Variants in YIPF1 observed in about 807,000 individuals in gnomAD.
YIPF1 encodes the protein protein YIPF1.
YIPF1 carries 22 observed loss-of-function variants against 37.0 expected under a neutral mutation model. That is an observed-to-expected ratio of 0.59 (90% CI 0.42 to 0.85). The LOEUF is 0.85. YIPF1 is among the 40% of genes least tolerant of loss of function. The pLI is 0.00. For missense variants in YIPF1, 355 were observed against 373.1 expected (o/e 0.95, Z 0.40); for synonymous variants, 128 against 131.9 (o/e 0.97, Z 0.21).
At chr1:53,876,922 G>T (rs147451778) in intron 6 of YIPF1, among the ~76,000 whole-genome samples, 1,719 of 152,258 alleles carry the variant, frequency 0.011, 36 homozygotes, top group African/African-American at 0.039. Flanking sequence ...GTAAGATAAG[G>T]CTACCTTGGA....
At chr1:53,874,771 A>T (rs10788963) in intron 6 of YIPF1, among the ~76,000 whole-genome samples, 63,488 of 151,814 alleles carry the variant, frequency 0.42, 13,842 homozygotes, top group East Asian at 0.57. Flanking sequence ...TGTCTCAAAA[A>T]ATATATATAT....
chr1:53,887,733 C>A (rs1304787792), intron 3 of YIPF1, among the ~76,000 whole-genome samples: 1 of 152,126 alleles, frequency 6.6e-6, no homozygotes, highest in Non-Finnish European at 1.5e-5. Context: ...GCTGTGATAC[C>A]AGACTGGATG....
chr1:53,865,005 T>C (rs991856285), intron 9 of YIPF1, among the ~76,000 whole-genome samples: 5 of 152,164 alleles, frequency 3.3e-5, no homozygotes, highest in African/African-American at 1.2e-4. Flanking sequence ...AGAGCCGGTC[T>C]TCAATCTGGG....
intron 2 of YIPF1, 121 bp downstream of exon 2, chr1:53,889,123 C>T (rs1231434013): frequency 1.0e-5 from 5 of 479,424 alleles, no homozygotes; most frequent in Non-Finnish European, 1.9e-5. Flanking sequence ...TAAAGATAAC[C>T]ACTAAGCATC....
intron 6 of YIPF1, among the ~76,000 whole-genome samples, chr1:53,872,407 G>A (rs1179849299): frequency 6.6e-6 from 1 of 152,122 alleles, no homozygotes; most frequent in Non-Finnish European, 1.5e-5. Context: ...GTCTATCACA[G>A]CTACTCATAA....
chr1:53,854,678 T>C (rs1649677501), intron 10 of YIPF1, among the ~76,000 whole-genome samples: 1 of 151,998 alleles, frequency 6.6e-6, no homozygotes, highest in Non-Finnish European at 1.5e-5. Flanking sequence ...AAAACTGGAG[T>C]ATAGAATCTG....
chr1:53,871,012 CAAAAAAA>C (rs57949076), intron 7 of YIPF1, among the ~76,000 whole-genome samples: 7 of 65,250 alleles, frequency 1.1e-4, no homozygotes, highest in African/African-American at 2.3e-4. Flanking sequence ...GTCACTGTCT[CAAAAAAA>C]AAAAAAAAAA....
intron 10 of YIPF1, among the ~76,000 whole-genome samples, chr1:53,857,254 A>C (rs967400058): frequency 3.3e-5 from 5 of 152,238 alleles, no homozygotes; most frequent in African/African-American, 4.8e-5. Flanking sequence ...TCTGAAGTAG[A>C]GGAGCAAGCT....
At chr1:53,854,167 A>G (rs556382040) in intron 10 of YIPF1, among the ~76,000 whole-genome samples, 2 of 152,156 alleles carry the variant, frequency 1.3e-5, no homozygotes, top group East Asian at 3.9e-4. Flanking sequence ...TATGAGAATC[A>G]CTTGAACCCG....
chr1:53,884,914 A>G (rs1003111151), intron 3 of YIPF1, among the ~76,000 whole-genome samples: 7 of 152,226 alleles, frequency 4.6e-5, no homozygotes, highest in African/African-American at 1.4e-4. Context: ...GTTCACTCTT[A>G]TTGCCTCTCA....
At chr1:53,879,549 G>A (rs889947122) in intron 4 of YIPF1, among the ~76,000 whole-genome samples, 1 of 152,116 alleles carries the variant, frequency 6.6e-6, no homozygotes, top group Non-Finnish European at 1.5e-5. Flanking sequence ...CACCTGAGGA[G>A]GGCCATACCC....
intron 6 of YIPF1, among the ~76,000 whole-genome samples, chr1:53,877,244 C>A (rs576499168): frequency 6.6e-6 from 1 of 152,294 alleles, no homozygotes; most frequent in African/African-American, 2.4e-5. Flanking sequence ...CCCTGACAAC[C>A]CTCAGATGAA....
At chr1:53,853,018 G>A (rs1649634048) in intron 10 of YIPF1, among the ~76,000 whole-genome samples, 1 of 152,162 alleles carries the variant, frequency 6.6e-6, no homozygotes, top group Non-Finnish European at 1.5e-5. Flanking sequence ...GAAAAGACAG[G>A]TCTTGCTGAC....
chr1:53,865,533 A>T (rs1472621742), intron 9 of YIPF1, among the ~76,000 whole-genome samples: 1 of 152,202 alleles, frequency 6.6e-6, no homozygotes, highest in Non-Finnish European at 1.5e-5. Flanking sequence ...CACCATTTTT[A>T]TATAGAGAAC....
At chr1:53,881,471 C>T (rs970905159) in intron 4 of YIPF1, among the ~76,000 whole-genome samples, 3 of 152,044 alleles carry the variant, frequency 2.0e-5, no homozygotes, top group Non-Finnish European at 2.9e-5. Flanking sequence ...ATCTATCCAT[C>T]TAACAAAGGT....
intron 9 of YIPF1, among the ~76,000 whole-genome samples, chr1:53,863,931 AG>A (rs140803570): frequency 0.021 from 3,129 of 152,180 alleles, 110 homozygotes; most frequent in African/African-American, 0.071. Context: ...TGGTAAAGAC[AG>A]GGTTTAACCA....
chr1:53,887,777 C>T (rs7526351), intron 3 of YIPF1, among the ~76,000 whole-genome samples: 90,794 of 152,070 alleles, frequency 0.6, 27,772 homozygotes, highest in East Asian at 0.85. Context: ...TTACTAACTG[C>T]GTGACCATTA....
chr1:53,870,160 C>CTCTTTCTTTT (rs1557605849), intron 7 of YIPF1, among the ~76,000 whole-genome samples: 1 of 91,196 alleles, frequency 1.1e-5, no homozygotes, highest in African/African-American at 4.4e-5. Context: ...CACCGGGTCT[C>CTCTTTCTTTT]TTTTTTTTTT....
rs765301018 is a variant in YIPF1, at chr1:53,860,152, G to T, written c.833C>A (p.Ala278Glu). 1.9e-6 allele frequency: 3 copies of T among 1,613,954 alleles called. No individual in the cohort carries two copies. The highest frequency in any genetic ancestry group is 4.5e-5 in the East Asian group (2 of 44,872). Residue 278 changes from alanine to glutamate, a missense_variant and splice_region_variant, in exon 10 of 11, where the codon GCA becomes GAA. Ala to Glu is a moderately radical substitution (Grantham distance 107, BLOSUM62 -1). Coordinates refer to ENST00000072644, the MANE Select transcript of YIPF1 (RefSeq NM_018982.5). ...LHMLLSVGCL[A>E]YFFDAPEMDH... is the part of the protein sequence containing the mutation. The stretch of plus-strand genomic sequence containing the variant: ...CATCTCTGGTGCATCAAAAAAGTAT[G>T]CCTGTGGGGAAAAAAAGACCCAGGA...
Sources: gnomAD v4.1 joint callset for allele counts (sites outside exome capture counted in the v4.1 genomes callset) on GRCh38, gnomAD v4.1.1 for gene constraint, MANE v1.5 for transcripts, NCBI Gene and HGNC (gene_info 2026-07-23, HGNC 2026-07-21) for gene names.